KIAA1549L: variants seen among roughly 807,000 people sequenced by gnomAD.
KIAA1549L encodes the protein KIAA1549 like.
A neutral mutation model predicts 160.7 loss-of-function variants in KIAA1549L; 88 were observed. That is an observed-to-expected ratio of 0.55 (90% CI 0.46 to 0.65). KIAA1549L has a LOEUF of 0.65. Among genes scored for constraint, KIAA1549L ranks in the 30% least tolerant of loss-of-function variants. The probability of loss-of-function intolerance (pLI) is 0.00; values close to 1 mark genes in which losing one functional copy is unlikely to be tolerated. For synonymous variants in KIAA1549L, 950 were observed against 976.7 expected (o/e 0.97, Z 0.51); for missense variants, 2,258 against 2,437.5 (o/e 0.93, Z 1.55).
chr11:33,569,424 A>T (rs771191730), intron 9 of KIAA1549L, among the ~76,000 whole-genome samples: 1 of 152,232 alleles, frequency 6.6e-6, no homozygotes, highest in African/African-American at 2.4e-5. Context: ...TACCCCTGGC[A>T]TGTGAACCCC....
chr11:33,486,659 C>G (rs1852535153), intron 1 of KIAA1549L, among the ~76,000 whole-genome samples: 1 of 152,104 alleles, frequency 6.6e-6, no homozygotes, highest in Non-Finnish European at 1.5e-5. Flanking sequence ...TTTACTTTGT[C>G]TTTTCATGAA....
intron 10 of KIAA1549L, among the ~76,000 whole-genome samples, chr11:33,576,724 A>T (rs569004241): frequency 1.3e-5 from 2 of 152,226 alleles, no homozygotes; most frequent in Non-Finnish European, 2.9e-5. Flanking sequence ...AGCGGGGCTC[A>T]GAGGAATCAA....
chr11:33,577,732 C>T (rs867809720), intron 10 of KIAA1549L, among the ~76,000 whole-genome samples: 23 of 152,124 alleles, frequency 1.5e-4, no homozygotes, highest in African/African-American at 4.8e-4. Context: ...CAAAAAGTGC[C>T]GGAAGATTGA....
intron 1 of KIAA1549L, among the ~76,000 whole-genome samples, chr11:33,471,810 A>G (rs995292766): frequency 6.6e-6 from 1 of 152,244 alleles, no homozygotes; most frequent in Non-Finnish European, 1.5e-5. Flanking sequence ...GCAGGCAGGA[A>G]CAGAGCCAGG....
rs1411826699 is a variant in KIAA1549L, at chr11:33,552,245, G to A, written c.3855+4G>A. On this transcript the variant is annotated splice_donor_region_variant and intron_variant, in intron 6 of 20. Transcript: ENST00000658780. Reference sequence around the variant, plus strand: ...CAAAAGCAACTTGACAATTCAGGTAGGGAGGAAGGTGCTTCAGGCTGTGTA... The same window carrying A: ...CAAAAGCAACTTGACAATTCAGGTAAGGAGGAAGGTGCTTCAGGCTGTGTA... The A allele has an allele frequency of 6.3e-7, 1 of 1,597,418 alleles. No homozygotes were observed. Among genetic ancestry groups the A allele is most frequent in the Non-Finnish European group, 8.5e-7 (1 of 1,171,612 alleles).
At chr11:33,433,429 T>A (rs1402459592) in intron 1 of KIAA1549L, among the ~76,000 whole-genome samples, 1 of 152,038 alleles carries the variant, frequency 6.6e-6, no homozygotes, top group Non-Finnish European at 1.5e-5. Context: ...TATTAAAAAG[T>A]CAGGAAACAA....
At position 33,468,378 on chromosome 11, in the gene KIAA1549L, C is replaced by A. The variant is rs190883262; in HGVS notation, c.239-73424C>A. Among the ~76,000 whole-genome samples, 1,148 of 152,272 alleles carry A rather than the reference C, an allele frequency of 7.5e-3. 11 individuals are homozygous for A. Among genetic ancestry groups the A allele is most frequent in the Non-Finnish European group, 9.9e-3 (676 of 68,006 alleles). ...AGTTTTGAAAAAAAATTATCAAAAA[C>A]AAATTAGTTTCAATTCACTGTAATT... On this transcript the variant is annotated intron_variant, in intron 1 of 20. Coordinates refer to ENST00000658780, the MANE Select transcript of KIAA1549L (RefSeq NM_012194.3).
chr11:33,587,039 G>A (rs933116566), intron 11 of KIAA1549L, among the ~76,000 whole-genome samples: 1 of 152,124 alleles, frequency 6.6e-6, no homozygotes, highest in Admixed American at 6.5e-5. Flanking sequence ...TAACCTCTGT[G>A]CCTCAATTTT....
intron 1 of KIAA1549L, among the ~76,000 whole-genome samples, chr11:33,497,895 C>T (rs1162335851): frequency 6.6e-6 from 1 of 152,176 alleles, no homozygotes; most frequent in African/African-American, 2.4e-5. Flanking sequence ...AGCTACGGTG[C>T]CATTCTGATC....
chr11:33,559,048 G>C (rs192207803), intron 6 of KIAA1549L, among the ~76,000 whole-genome samples: 2 of 152,060 alleles, frequency 1.3e-5, no homozygotes, highest in Non-Finnish European at 2.9e-5. Flanking sequence ...ATGTTGGCCA[G>C]GCTGGTCTTG....
At chr11:33,518,132 C>CT (rs1853393247) in intron 1 of KIAA1549L, among the ~76,000 whole-genome samples, 1 of 67,236 alleles carries the variant, frequency 1.5e-5, no homozygotes, top group Non-Finnish European at 2.3e-5. Flanking sequence ...GAGCAAGACT[C>CT]TGTCTCAAAA....
intron 19 of KIAA1549L, among the ~76,000 whole-genome samples, chr11:33,660,365 C>A (rs1385935125): frequency 6.6e-6 from 1 of 152,128 alleles, no homozygotes; most frequent in Non-Finnish European, 1.5e-5. Flanking sequence ...ATCACAAGGT[C>A]AGGAGTTCGA....
intron 1 of KIAA1549L, among the ~76,000 whole-genome samples, chr11:33,540,581 C>T (rs551971499): frequency 1.3e-5 from 2 of 152,318 alleles, no homozygotes; most frequent in South Asian, 4.1e-4. Context: ...GGGGGGAATA[C>T]CTCCTTAGGC....
chr11:33,450,683 G>T (rs1359677318), intron 1 of KIAA1549L: 1 of 152,216 alleles, frequency 6.6e-6, no homozygotes, highest in Non-Finnish European at 1.5e-5. Context: ...GCATGGTGGT[G>T]CATCACGACC....
intron 1 of KIAA1549L, among the ~76,000 whole-genome samples, chr11:33,405,184 A>G (rs539185407): frequency 6.6e-6 from 1 of 152,296 alleles, no homozygotes; most frequent in South Asian, 2.1e-4. Context: ...CAGAATAAAT[A>G]TTCTTGCCCT....
Position 33,407,081 on chromosome 11 carries a change from ATTTTTTT to A in KIAA1549L, c.238+30207_238+30213del, listed in dbSNP as rs750670251. 6.0e-5 allele frequency among the ~76,000 whole-genome samples: 6 copies of A among 100,134 alleles called. No homozygotes were observed. In the East Asian group the frequency reaches 9.5e-4, roughly 16 times the overall value. 65.7% of individuals were successfully genotyped at this position (100,134 alleles called of 152,430 possible). A position where few individuals can be genotyped will look rare whatever the true frequency, so the allele number is the denominator to read the frequency against. On this transcript the variant is annotated intron_variant, in intron 1 of 20. Coordinates refer to ENST00000658780, the MANE Select transcript of KIAA1549L (RefSeq NM_012194.3). The stretch of plus-strand genomic sequence containing the variant: ...GGAGTTCAGTCCTTTTTCTTTTTTC[ATTTTTTT>A]TTTTTTTTTTTTTTGAGACGGAGTC...
chr11:33,666,234 T>G (rs1390153790), intron 20 of KIAA1549L, among the ~76,000 whole-genome samples: 1 of 152,054 alleles, frequency 6.6e-6, no homozygotes, highest in Non-Finnish European at 1.5e-5. Flanking sequence ...TGCAGCAGCA[T>G]CCAGGGGAGC....
At chr11:33,441,815 T>C (rs1009081098) in intron 1 of KIAA1549L, among the ~76,000 whole-genome samples, 3 of 152,222 alleles carry the variant, frequency 2.0e-5, no homozygotes, top group Non-Finnish European at 4.4e-5. Context: ...AGATTCTGGA[T>C]ATTAGCCCTT....
intron 1 of KIAA1549L, among the ~76,000 whole-genome samples, chr11:33,493,693 G>A (rs375971740): frequency 1.1e-4 from 17 of 152,320 alleles, no homozygotes; most frequent in African/African-American, 4.1e-4. Flanking sequence ...CCTCCTAAGA[G>A]CACGTCATTC....
Sources: gnomAD v4.1 joint callset for allele counts (sites outside exome capture counted in the v4.1 genomes callset) on GRCh38, gnomAD v4.1.1 for gene constraint, MANE v1.5 for transcripts, NCBI Gene and HGNC (gene_info 2026-07-23, HGNC 2026-07-21) for gene names.